Variants in BTBD3 observed in about 807,000 individuals in gnomAD.
The protein encoded by BTBD3 is BTB/POZ domain-containing protein 3.
In BTBD3, 14 loss-of-function variants were observed where a neutral mutation model predicts 41.6. The ratio of observed to expected loss-of-function variants is 0.34; its 90% CI spans 0.22 to 0.53. BTBD3 has a LOEUF of 0.53. Ranked by LOEUF, BTBD3 falls within the 20% of genes least tolerant of loss-of-function variation. BTBD3 has a pLI of 0.95. For missense variants in BTBD3, 426 were observed against 654.7 expected (o/e 0.65, Z 3.81); for synonymous variants, 249 against 233.7 (o/e 1.07, Z -0.60).
rs149039757 is a variant in BTBD3, at chr20:11,923,443, A to G, written c.1346A>G (p.Asn449Ser). 187 of 1,614,196 alleles carry G rather than the reference A, an allele frequency of 1.2e-4. 2 individuals are homozygous for G. The African/African-American group carries it at 1.8e-3, about 16-fold the overall frequency. The change falls in exon 4 of 4, where the codon AAT becomes AGT. Residue 449 changes from asparagine (N) to serine (S), a missense_variant. Physicochemically the swap from Asn to Ser is conservative, Grantham distance 46. Transcript: ENST00000378226. This position sits in a 1 kb window ranked among gnomAD's most constrained non-coding sequence, Gnocchi z 5.3. ...AAGTACTTCTCAGATGGGTCCAGCA[A>G]TACCTTTCCCGTATGGTTTGAATAC... ...LSKYFSDGSS[N>S]TFPVWFEYPV...
upstream of BTBD3, among the ~76,000 whole-genome samples, chr20:11,913,003 G>T (rs1215048208): frequency 6.6e-6 from 1 of 152,142 alleles, no homozygotes; most frequent in Non-Finnish European, 1.5e-5. Context: ...TTTTTGCTCA[G>T]TATTGAAGGG....
chr20:11,904,265 G>A (rs2056840569), intron 1 of BTBD3, among the ~76,000 whole-genome samples: 1 of 152,164 alleles, frequency 6.6e-6, no homozygotes, highest in Admixed American at 6.5e-5. Context: ...AAGTAAAGGG[G>A]AAGCAAGTAC....
chr20:11,890,979 C>T, intron 1 of BTBD3: 17 of 981,948 alleles, frequency 1.7e-5, no homozygotes, highest in Non-Finnish European at 2.1e-5. Context: ...CGCGGGCGAG[C>T]GGGTCGGCGC....
chr20:11,922,560 A>T, intron 3 of BTBD3, 74 bp from the exon 4 acceptor site: 1 of 1,363,254 alleles, frequency 7.3e-7, no homozygotes, highest in East Asian at 2.3e-5. Context: ...CAAACTTGAA[A>T]GTGGTTGTAT....
At chr20:11,915,754 G>C (rs2056914181), upstream of BTBD3, among the ~76,000 whole-genome samples, 1 of 152,154 alleles carries the variant, frequency 6.6e-6, no homozygotes, top group African/African-American at 2.4e-5. Context: ...TAGCACTCTT[G>C]TAGATGATTC....
chr20:11,892,154 G>A (rs2056758737), intron 1 of BTBD3, among the ~76,000 whole-genome samples: 1 of 152,204 alleles, frequency 6.6e-6, no homozygotes, highest in African/African-American at 2.4e-5. Context: ...ACCAGGGAGG[G>A]AGGGAAGCGT....
At position 11,918,001 on chromosome 20, in the gene BTBD3, A is replaced by G. The variant is rs2056930429; in HGVS notation, c.-275A>G. The G allele has an allele frequency of 1.7e-6, 2 of 1,168,564 alleles. No individual in the cohort carries two copies. The highest frequency in any genetic ancestry group is 1.6e-5 in the African/African-American group (1 of 63,132). The allele number at this position is 1,168,564 out of a possible 1,614,324, so 72.4% of individuals were successfully genotyped here. ...TCTGTGCCTGTCATCTTTGCAGTGT[A>G]GCATTTTCAGGTGATCTAGGAAACA... On this transcript the variant is annotated 5_prime_UTR_variant, in exon 1 of 4. Coordinates refer to ENST00000378226, the MANE Select transcript of BTBD3 (RefSeq NM_014962.4).
At chr20:11,901,031 A>T (rs1158453582) in intron 1 of BTBD3, among the ~76,000 whole-genome samples, 1 of 152,156 alleles carries the variant, frequency 6.6e-6, no homozygotes, top group Non-Finnish European at 1.5e-5. Flanking sequence ...TACAAATTTA[A>T]TGTGTTGTTG....
chr20:11,906,173 G>A (rs939891612), intron 1 of BTBD3, among the ~76,000 whole-genome samples: 4 of 149,608 alleles, frequency 2.7e-5, no homozygotes, highest in African/African-American at 9.8e-5. Context: ...TAAACACACC[G>A]GCCCAGCAAG....
chr20:11,907,103 T>C (rs1022085238), intron 1 of BTBD3, among the ~76,000 whole-genome samples: 3 of 152,192 alleles, frequency 2.0e-5, no homozygotes. Context: ...TTTGTCCTGG[T>C]AATAGTTCTT....
At chr20:11,908,892 G>A (rs1432655349) in intron 1 of BTBD3, among the ~76,000 whole-genome samples, 2 of 152,142 alleles carry the variant, frequency 1.3e-5, no homozygotes, top group Non-Finnish European at 2.9e-5. Context: ...AGTATACTGT[G>A]CCTTTCTATT....
intron 1 of BTBD3, among the ~76,000 whole-genome samples, chr20:11,903,707 A>G (rs2056837194): frequency 6.6e-6 from 1 of 151,980 alleles, no homozygotes; most frequent in African/African-American, 2.4e-5. Flanking sequence ...CCCTGGTTCA[A>G]GTGATTCTTC....
At chr20:11,919,476 T>C in intron 2 of BTBD3, 1 of 1,357,074 alleles carries the variant, frequency 7.4e-7, no homozygotes, top group East Asian at 2.5e-5. Context: ...ATGTAAGCTA[T>C]TATTGTATGT....
intron 1 of BTBD3, among the ~76,000 whole-genome samples, chr20:11,902,818 C>T (rs1320669297): frequency 6.6e-6 from 1 of 152,252 alleles, no homozygotes; most frequent in East Asian, 1.9e-4. Context: ...TGGTAACTCT[C>T]ATAGATGTGT....
At chr20:11,918,999 G>C in intron 1 of BTBD3, 87 bp from the exon 2 acceptor site, 1 of 963,726 alleles carries the variant, frequency 1.0e-6, no homozygotes, top group South Asian at 1.6e-5. Flanking sequence ...TGCTTAGCTT[G>C]CAAGTCTTTT....
In BTBD3 at chr20:11,925,379, A is replaced by T. The variant is rs2057010027; in HGVS notation, c.*1713A>T. The T allele has an allele frequency of 6.5e-6, 1 of 152,696 alleles. No individual in the cohort carries two copies. The highest frequency in any genetic ancestry group is 1.5e-5 in the Non-Finnish European group (1 of 68,096). 9.5% of individuals were successfully genotyped at this position (152,696 alleles called of 1,614,324 possible). On this transcript the variant is annotated 3_prime_UTR_variant, in exon 4 of 4. Transcript: ENST00000378226. ...CTCTGGGCCACTTCTTCCCCTGTAG[A>T]TGTGGGCTTGTTGCCTTCAGCCGGC...
chr20:11,901,652 A>G (rs2056824391), intron 1 of BTBD3, among the ~76,000 whole-genome samples: 1 of 152,180 alleles, frequency 6.6e-6, no homozygotes, highest in African/African-American at 2.4e-5. Context: ...ACTTTCTCTT[A>G]TAAGTGATCC....
intron 2 of BTBD3, chr20:11,919,422 A>G: frequency 7.1e-7 from 1 of 1,405,518 alleles, no homozygotes; most frequent in Non-Finnish European, 9.2e-7. Context: ...TTGTTGTGAC[A>G]GGTCAGGAAA....
chr20:11,923,399 C>T lies in BTBD3; in HGVS notation c.1302C>T (p.Val434=). ...TTGAACTTAAGCGGCAGGGCGTTGT[C>T]CTGGGGCAGAACTTGAGCAAGTACT... ...AKIELKRQGV[V]LGQNLSKYFS... The change falls in exon 4 of 4, where the codon GTC becomes GTT. Residue 434 remains valine, a synonymous_variant. Transcript: ENST00000378226. This position sits in a 1 kb window ranked among gnomAD's most constrained non-coding sequence, Gnocchi z 5.3. 1 of 1,614,196 alleles carries T rather than the reference C, an allele frequency of 6.2e-7. No individual in the cohort carries two copies. The highest frequency in any genetic ancestry group is 8.5e-7 in the Non-Finnish European group (1 of 1,180,048).
Sources: gnomAD v4.1 joint callset for allele counts (sites outside exome capture counted in the v4.1 genomes callset) on GRCh38, gnomAD v4.1.1 for gene constraint, Gnocchi (gnomAD v3.1) non-coding constraint, MANE v1.5 for transcripts, NCBI Gene and HGNC (gene_info 2026-07-23, HGNC 2026-07-21) for gene names.